The following HMCN1 variants were observed in gnomAD, a reference collection of about 807,000 sequenced individuals.
HMCN1 encodes hemicentin-1.
Under a neutral mutation model 625.9 loss-of-function variants are expected in HMCN1, and 321 were observed. That is an observed-to-expected ratio of 0.51 (90% CI 0.47 to 0.56). HMCN1 has a LOEUF of 0.56. Ranked by LOEUF, HMCN1 falls within the 20% of genes least tolerant of loss-of-function variation. HMCN1 has a pLI of 0.00. For synonymous variants in HMCN1, 2,425 were observed against 2,417.6 expected (o/e 1.00, Z -0.09); for missense variants, 6,588 against 6,887.3 (o/e 0.96, Z 1.54).
chr1:185,870,954 C>T (rs1255209994), intron 4 of HMCN1, among the ~76,000 whole-genome samples: 2 of 152,018 alleles, frequency 1.3e-5, no homozygotes, highest in Non-Finnish European at 2.9e-5. Context: ...AAGTCAGCAT[C>T]CCTGGCTGCG....
At chr1:186,061,995 A>C (rs1657736845) in intron 47 of HMCN1, 31 bp downstream of exon 47, 1 of 1,340,478 alleles carries the variant, frequency 7.5e-7, no homozygotes, top group African/African-American at 1.5e-5. Flanking sequence ...ATCTAGAAGA[A>C]ACTTAAATTG....
At chr1:185,870,639 T>C (rs924159122) in intron 4 of HMCN1, among the ~76,000 whole-genome samples, 1 of 152,172 alleles carries the variant, frequency 6.6e-6, no homozygotes, top group Admixed American at 6.6e-5. Context: ...GCATGCAATA[T>C]GAAATAAGCA....
chr1:186,015,887 C>G (rs1654333597), intron 31 of HMCN1, 71 bp from the exon 32 acceptor site: 2 of 1,409,886 alleles, frequency 1.4e-6, no homozygotes, highest in Admixed American at 3.4e-5. Flanking sequence ...AAAAGCTCTT[C>G]TTTATTTCAT....
chr1:185,926,430 G>T (rs562555975), intron 9 of HMCN1, among the ~76,000 whole-genome samples: 48 of 152,202 alleles, frequency 3.2e-4, no homozygotes, highest in Non-Finnish European at 5.9e-4. Flanking sequence ...CAACGTAATT[G>T]ACCGGGATAT....
intron 71 of HMCN1, among the ~76,000 whole-genome samples, 167 bp from the exon 72 acceptor site, chr1:186,112,645 C>CA (rs1475608790): frequency 6.6e-6 from 1 of 152,250 alleles, no homozygotes; most frequent in African/African-American, 2.4e-5. Flanking sequence ...CTCATTAAAA[C>CA]AGTTCCCAGG....
intron 63 of HMCN1, among the ~76,000 whole-genome samples, chr1:186,090,494 G>A (rs1434332910): frequency 1.3e-5 from 2 of 151,846 alleles, no homozygotes; most frequent in African/African-American, 4.8e-5. Context: ...AATTTAATTT[G>A]GCCAGAAAGG....
At chr1:185,759,763 T>G (rs1178910919) in intron 1 of HMCN1, among the ~76,000 whole-genome samples, 1 of 152,216 alleles carries the variant, frequency 6.6e-6, no homozygotes, top group East Asian at 1.9e-4. Flanking sequence ...TGATATGGAC[T>G]TTTGTCTCTA....
At chr1:185,946,703 G>A (rs1357107072) in intron 11 of HMCN1, among the ~76,000 whole-genome samples, 1 of 152,020 alleles carries the variant, frequency 6.6e-6, no homozygotes, top group African/African-American at 2.4e-5. Context: ...CACCTGCTTT[G>A]GCTAATTACC....
chr1:186,130,234 A>T (rs1661858477), intron 84 of HMCN1, 134 bp downstream of exon 84: 7 of 1,220,176 alleles, frequency 5.7e-6, no homozygotes, highest in Non-Finnish European at 8.1e-6. Flanking sequence ...CAGATGTACA[A>T]ATTCATGAGA....
intron 4 of HMCN1, among the ~76,000 whole-genome samples, chr1:185,888,097 A>G (rs2102404803): frequency 7.5e-6 from 1 of 133,658 alleles, no homozygotes; most frequent in African/African-American, 3.1e-5. Flanking sequence ...TTGGCTGCAT[A>G]AATGTCTTCT....
chr1:185,951,618 G>A (rs1241592253), intron 11 of HMCN1, among the ~76,000 whole-genome samples: 1 of 151,716 alleles, frequency 6.6e-6, no homozygotes, highest in African/African-American at 2.4e-5. Context: ...TTGGGCCAGA[G>A]TTCCAGGGGC....
At chr1:186,045,323 T>C (rs1387806430) in intron 40 of HMCN1, among the ~76,000 whole-genome samples, 1 of 152,200 alleles carries the variant, frequency 6.6e-6, no homozygotes, top group East Asian at 1.9e-4. Flanking sequence ...CAAATAAATA[T>C]TGAATGCGTA....
chr1:186,097,726 A>G (rs995932366), intron 68 of HMCN1, among the ~76,000 whole-genome samples: 3 of 152,152 alleles, frequency 2.0e-5, no homozygotes, highest in Non-Finnish European at 2.9e-5. Flanking sequence ...TGGAACCACA[A>G]AAGACTCCAA....
chr1:185,903,564 T>C (rs548910235), intron 4 of HMCN1, among the ~76,000 whole-genome samples: 2 of 151,898 alleles, frequency 1.3e-5, no homozygotes, highest in South Asian at 4.1e-4. Flanking sequence ...GCACTTACTA[T>C]TGTTAAAACT....
rs1571376839 is a variant in HMCN1, at chr1:185,804,368, T to G, written c.269-41658T>G. On this transcript the variant is annotated intron_variant, in intron 1 of 106. Coordinates refer to ENST00000271588, the MANE Select transcript of HMCN1 (RefSeq NM_031935.3). ...TAGTGTTTGTTGAGTTGTGGTCTGTTTGACAGTCATCTGGAATGTTTATTA... is the reference window on the plus strand; with the variant it reads ...TAGTGTTTGTTGAGTTGTGGTCTGTGTGACAGTCATCTGGAATGTTTATTA... 2.0e-5 allele frequency among the ~76,000 whole-genome samples: 3 copies of G among 152,104 alleles called. No individual in the cohort carries two copies. The South Asian group carries it at 6.2e-4, about 31-fold the overall frequency.
intron 42 of HMCN1, among the ~76,000 whole-genome samples, chr1:186,052,494 C>G (rs1383812818): frequency 1.3e-5 from 2 of 152,040 alleles, no homozygotes; most frequent in Non-Finnish European, 2.9e-5. Context: ...TTAGATGAAA[C>G]CCCTTGCCTC....
At chr1:186,062,061 G>T in intron 47 of HMCN1, 97 bp downstream of exon 47, 1 of 742,172 alleles carries the variant, frequency 1.3e-6, no homozygotes, top group Non-Finnish European at 2.4e-6. Flanking sequence ...TCATACCTGT[G>T]TTATTTAGAC....
chr1:186,013,801 C>G (rs1024767401), intron 30 of HMCN1, among the ~76,000 whole-genome samples: 2 of 152,156 alleles, frequency 1.3e-5, no homozygotes, highest in Admixed American at 1.3e-4. Flanking sequence ...TAATGTAGTA[C>G]TGGATGTAAC....
At chr1:186,114,527 G>A (rs1411877918) in intron 73 of HMCN1, among the ~76,000 whole-genome samples, 1 of 152,126 alleles carries the variant, frequency 6.6e-6, no homozygotes, top group East Asian at 1.9e-4. Context: ...CCACAGTGCT[G>A]GGATTACAGC....
Sources: gnomAD v4.1 joint callset for allele counts (sites outside exome capture counted in the v4.1 genomes callset) on GRCh38, gnomAD v4.1.1 for gene constraint, MANE v1.5 for transcripts, NCBI Gene and HGNC (gene_info 2026-07-23, HGNC 2026-07-21) for gene names.